The following ABI3BP variants were observed in gnomAD, a reference collection of about 807,000 sequenced individuals.
ABI3BP encodes ABI family member 3 binding protein.
ABI3BP carries 216 observed loss-of-function variants against 268.6 expected under a neutral mutation model. That is an observed-to-expected ratio of 0.80 (90% CI 0.72 to 0.90). ABI3BP has a LOEUF of 0.90. Among genes scored for constraint, ABI3BP ranks in the 40% least tolerant of loss-of-function variants. The probability of loss-of-function intolerance (pLI) is 0.00; values close to 1 mark genes in which losing one functional copy is unlikely to be tolerated. For synonymous variants in ABI3BP, 730 were observed against 730.0 expected (o/e 1.00, Z 0.00); for missense variants, 2,090 against 2,182.4 (o/e 0.96, Z 0.84).
At chr3:100,784,294 C>A (rs1251581912) in intron 57 of ABI3BP, among the ~76,000 whole-genome samples, 1 of 152,024 alleles carries the variant, frequency 6.6e-6, no homozygotes, top group Non-Finnish European at 1.5e-5. Context: ...AAGAACATGT[C>A]CTATAGGAAC....
chr3:100,857,216 T>C (rs1304057761), intron 14 of ABI3BP, among the ~76,000 whole-genome samples: 1 of 152,224 alleles, frequency 6.6e-6, no homozygotes, highest in East Asian at 1.9e-4. Flanking sequence ...AAAAGCATAA[T>C]TGCTATTATT....
At chr3:100,828,492 T>A in intron 33 of ABI3BP, 40 bp from the exon 34 acceptor site, 1 of 1,465,362 alleles carries the variant, frequency 6.8e-7, no homozygotes, top group South Asian at 1.2e-5. Flanking sequence ...AACAAAACAT[T>A]AAAAATTTAT....
At chr3:100,894,959 A>T (rs1407731777) in intron 4 of ABI3BP, among the ~76,000 whole-genome samples, 3 of 145,216 alleles carry the variant, frequency 2.1e-5, no homozygotes, top group African/African-American at 7.6e-5. Context: ...AAAAAAAAAA[A>T]AAAAAAAACA....
At chr3:100,960,159 G>A (rs1424331707) in intron 1 of ABI3BP, among the ~76,000 whole-genome samples, 1 of 151,916 alleles carries the variant, frequency 6.6e-6, no homozygotes, top group Admixed American at 6.6e-5. Flanking sequence ...AATTTCAGAA[G>A]AGATAAAAAA....
chr3:100,762,978 G>A (rs1276230609), intron 63 of ABI3BP, among the ~76,000 whole-genome samples: 2 of 152,152 alleles, frequency 1.3e-5, no homozygotes, highest in Non-Finnish European at 2.9e-5. Flanking sequence ...TCATTTATAT[G>A]AAAATTAATG....
chr3:100,749,550 A>G lies in ABI3BP; in HGVS notation c.*945T>C. 1 of 362,592 alleles carries G rather than the reference A, an allele frequency of 2.8e-6. No homozygotes were observed. Among genetic ancestry groups the G allele is most frequent in the Non-Finnish European group, 4.9e-6 (1 of 206,072 alleles). 22.5% of individuals were successfully genotyped at this position (362,592 alleles called of 1,614,324 possible). On this transcript the variant is annotated 3_prime_UTR_variant, in exon 68 of 68. Coordinates refer to ENST00000471714, the MANE Select transcript of ABI3BP (RefSeq NM_001375547.2). ...AGTTAGTTAGTTAGATTTTTATTAC[A>G]GATTGAATTAAACAGTTACAAAGAC...
At chr3:100,863,936 A>T in intron 12 of ABI3BP, 66 bp downstream of exon 12, 1 of 1,170,116 alleles carries the variant, frequency 8.5e-7, no homozygotes, top group South Asian at 1.3e-5. Flanking sequence ...AATTCAAAAG[A>T]CTTCTTTGAA....
chr3:100,837,487 C>T (rs2098614831), intron 26 of ABI3BP, among the ~76,000 whole-genome samples: 1 of 152,174 alleles, frequency 6.6e-6, no homozygotes, highest in Non-Finnish European at 1.5e-5. Flanking sequence ...GGCACGTTGG[C>T]TCATGCCTAT....
At chr3:100,937,881 C>G (rs995074062) in intron 1 of ABI3BP, among the ~76,000 whole-genome samples, 4 of 152,022 alleles carry the variant, frequency 2.6e-5, no homozygotes. Context: ...AGGGCAGTCA[C>G]TGTCAGAAGC....
At position 100,935,610 on chromosome 3, in the gene ABI3BP, G is replaced by A. The variant is rs545254161; in HGVS notation, c.80-9129C>T. On this transcript the variant is annotated intron_variant, in intron 1 of 67. Coordinates refer to ENST00000471714, the MANE Select transcript of ABI3BP (RefSeq NM_001375547.2). Reference sequence around the variant, plus strand: ...CGATATTGATTCTTCCTATCCATGAGCACGGAATGTTTTTCCATTTGTTTG... The same window carrying A: ...CGATATTGATTCTTCCTATCCATGAACACGGAATGTTTTTCCATTTGTTTG... Among the ~76,000 whole-genome samples the A allele has an allele frequency of 2.2e-3, 330 of 152,256 alleles. 1 individual carries two copies. Among genetic ancestry groups the A allele is most frequent in the African/African-American group, 7.5e-3 (311 of 41,540 alleles).
intron 1 of ABI3BP, among the ~76,000 whole-genome samples, chr3:100,940,734 C>A (rs1365268098): frequency 8.1e-6 from 1 of 123,432 alleles, no homozygotes; most frequent in Non-Finnish European, 1.6e-5. Flanking sequence ...AGGAACTCAG[C>A]TACAAACACT....
intron 50 of ABI3BP, among the ~76,000 whole-genome samples, chr3:100,807,528 G>T (rs2152441955): frequency 6.6e-6 from 1 of 151,944 alleles, no homozygotes; most frequent in African/African-American, 2.4e-5. Context: ...TCCCTCAATT[G>T]ATATTAGAGA....
intron 18 of ABI3BP, among the ~76,000 whole-genome samples, chr3:100,848,224 C>G (rs1226545557): frequency 6.6e-6 from 1 of 151,124 alleles, no homozygotes; most frequent in East Asian, 1.9e-4. Flanking sequence ...AGAGTAGGTA[C>G]CAAAAAAAAT....
chr3:100,751,813 T>A, intron 66 of ABI3BP, 139 bp from the exon 67 acceptor site: 2 of 823,476 alleles, frequency 2.4e-6, no homozygotes, highest in Non-Finnish European at 3.5e-6. Flanking sequence ...GTTTCTTGCC[T>A]ACCTGTATTC....
At chr3:100,913,744 TA>T (rs2057599753) in intron 2 of ABI3BP, among the ~76,000 whole-genome samples, 2 of 152,090 alleles carry the variant, frequency 1.3e-5, no homozygotes, top group African/African-American at 4.8e-5. Context: ...CCCTTAAACA[TA>T]AAAAAGAATG....
intron 1 of ABI3BP, among the ~76,000 whole-genome samples, chr3:100,934,043 T>C (rs1003911416): frequency 6.6e-6 from 1 of 152,056 alleles, no homozygotes; most frequent in Non-Finnish European, 1.5e-5. Context: ...GCATGTTTGT[T>C]ACATAAGTAT....
intron 4 of ABI3BP, among the ~76,000 whole-genome samples, chr3:100,887,156 G>A (rs2153413817): frequency 6.6e-6 from 1 of 151,984 alleles, no homozygotes; most frequent in Non-Finnish European, 1.5e-5. Flanking sequence ...TACCAGTGGC[G>A]GTGGCAGAAT....
intron 54 of ABI3BP, among the ~76,000 whole-genome samples, chr3:100,793,844 G>C (rs1401364479): frequency 6.6e-6 from 1 of 151,966 alleles, no homozygotes; most frequent in Non-Finnish European, 1.5e-5. Context: ...ACACAAGCCA[G>C]AACTTTAGCT....
chr3:100,845,865 GAA>G (rs1454397816), intron 20 of ABI3BP, among the ~76,000 whole-genome samples: 1 of 146,290 alleles, frequency 6.8e-6, no homozygotes, highest in Non-Finnish European at 1.5e-5. Flanking sequence ...TTTTTTAAAG[GAA>G]AACACCACTA....
Sources: gnomAD v4.1 joint callset for allele counts (sites outside exome capture counted in the v4.1 genomes callset) on GRCh38, gnomAD v4.1.1 for gene constraint, MANE v1.5 for transcripts, NCBI Gene and HGNC (gene_info 2026-07-23, HGNC 2026-07-21) for gene names.